The following GLI2 variants were observed in gnomAD, a reference collection of about 807,000 sequenced individuals.
GLI2 encodes transcription activator GLI2.
A neutral mutation model predicts 78.9 loss-of-function variants in GLI2; 22 were observed. That is an observed-to-expected ratio of 0.28 (90% CI 0.20 to 0.40). GLI2 has a LOEUF of 0.40. Among genes scored for constraint, GLI2 ranks in the 10% least tolerant of loss-of-function variants. The pLI is 1.00. For synonymous variants in GLI2, 974 were observed against 963.7 expected (o/e 1.01, Z -0.20); for missense variants, 2,097 against 2,213.2 (o/e 0.95, Z 1.05).
chr2:120,853,981 C>T (rs536754369), intron 2 of GLI2, among the ~76,000 whole-genome samples: 81 of 152,228 alleles, frequency 5.3e-4, no homozygotes, highest in African/African-American at 1.9e-3. Context: ...CTGTGGCTCC[C>T]CCGAGCCCAT....
intron 1 of GLI2, among the ~76,000 whole-genome samples, chr2:120,783,468 T>G (rs116724548): frequency 0.013 from 1,951 of 152,030 alleles, 42 homozygotes; most frequent in African/African-American, 0.045. Context: ...GCGTTCTCAT[T>G]TCCTCTCCGG....
chr2:120,786,069 G>A (rs1194373340), intron 1 of GLI2, among the ~76,000 whole-genome samples: 10 of 152,186 alleles, frequency 6.6e-5, no homozygotes, highest in Admixed American at 6.5e-4. Flanking sequence ...GGTGGCTCCT[G>A]GCAAGGCAGC....
At chr2:120,902,418 T>C (rs953409011) in intron 2 of GLI2, among the ~76,000 whole-genome samples, 20 of 152,002 alleles carry the variant, frequency 1.3e-4, no homozygotes, top group African/African-American at 4.6e-4. Context: ...TCATCGGGTG[T>C]AGTGGGAGGG....
intron 2 of GLI2, among the ~76,000 whole-genome samples, chr2:120,880,587 T>C (rs1205669812): frequency 2.0e-5 from 3 of 152,158 alleles, no homozygotes; most frequent in Non-Finnish European, 4.4e-5. Context: ...AACATAGCTC[T>C]GCTTTGCCCC....
chr2:120,908,055 A>C (rs1256875740), intron 2 of GLI2, among the ~76,000 whole-genome samples: 2 of 152,154 alleles, frequency 1.3e-5, no homozygotes, highest in Non-Finnish European at 1.5e-5. Flanking sequence ...ACAGCACAGG[A>C]TGGCCTCATG....
rs1041189893 is a variant in GLI2 at position 120,736,183 on chromosome 2, G to A, written c.-133G>A. 5 of 152,036 alleles carry A rather than the reference G, an allele frequency of 3.3e-5. No individual in the cohort carries two copies. The highest frequency in any genetic ancestry group is 7.4e-5 in the Non-Finnish European group (5 of 67,994). The allele number at this position is 152,036 out of a possible 1,614,324, so 9.4% of individuals were successfully genotyped here. ...CTGGAGCCCCGGCACAAGGCAGCCA[G>A]CCGAGGGTCGCCGCGCCAGCCAAGG... On this transcript the variant is annotated 5_prime_UTR_variant, in exon 1 of 14. Transcript: ENST00000361492.
intron 2 of GLI2, among the ~76,000 whole-genome samples, chr2:120,869,497 T>G (rs1688321338): frequency 6.6e-6 from 1 of 152,212 alleles, no homozygotes; most frequent in Non-Finnish European, 1.5e-5. Context: ...TTTTATGAAA[T>G]GGCCATAATC....
chr2:120,916,548 C>T (rs1023252487), intron 2 of GLI2, among the ~76,000 whole-genome samples: 4 of 152,274 alleles, frequency 2.6e-5, no homozygotes, highest in African/African-American at 7.2e-5. Context: ...CTGAATCCCG[C>T]AGGGTCAGGC....
chr2:120,751,397 C>T (rs1421964997), intron 1 of GLI2, among the ~76,000 whole-genome samples: 2 of 152,224 alleles, frequency 1.3e-5, no homozygotes, highest in East Asian at 1.9e-4. Context: ...TTTTGCATCT[C>T]GTACTTTTTA....
chr2:120,740,515 A>T (rs1170859189), intron 1 of GLI2, among the ~76,000 whole-genome samples: 1 of 152,072 alleles, frequency 6.6e-6, no homozygotes, highest in Non-Finnish European at 1.5e-5. Context: ...TAAGAAAAAA[A>T]GTTTTAGTGC....
In GLI2 at chr2:120,935,715, C is replaced by G. The variant is rs529935669; in HGVS notation, c.254+8249C>G. Reference sequence around the variant, plus strand: ...TTACTTACTGGGCATTTTGACCCCCCACCCCTTGCTAAAATCTTCCCCAGC... The same window carrying G: ...TTACTTACTGGGCATTTTGACCCCCGACCCCTTGCTAAAATCTTCCCCAGC... On this transcript the variant is annotated intron_variant, in intron 3 of 13. Transcript: ENST00000361492. Among the ~76,000 whole-genome samples the G allele has an allele frequency of 2.0e-5, 3 of 152,330 alleles. No individual in the cohort carries two copies. In the East Asian group the frequency reaches 5.8e-4, roughly 29 times the overall value.
At chr2:120,789,743 A>G (rs1446364278) in intron 1 of GLI2, among the ~76,000 whole-genome samples, 1 of 152,236 alleles carries the variant, frequency 6.6e-6, no homozygotes, top group Non-Finnish European at 1.5e-5. Flanking sequence ...CATACAAAGG[A>G]GTTGGCCATG....
At chr2:120,931,988 C>T (rs1573624054) in intron 3 of GLI2, among the ~76,000 whole-genome samples, 1 of 152,192 alleles carries the variant, frequency 6.6e-6, no homozygotes, top group East Asian at 1.9e-4. Flanking sequence ...GGGGACACAG[C>T]AAGAGCCTCG....
intron 2 of GLI2, among the ~76,000 whole-genome samples, chr2:120,896,566 ACAAC>A (rs895489854): frequency 2.0e-5 from 3 of 152,036 alleles, no homozygotes; most frequent in African/African-American, 7.2e-5. Flanking sequence ...AGCACCACCA[ACAAC>A]TGGCATTTTG....
At chr2:120,882,811 C>G (rs1477578851) in intron 2 of GLI2, among the ~76,000 whole-genome samples, 1 of 151,896 alleles carries the variant, frequency 6.6e-6, no homozygotes, top group Admixed American at 6.5e-5. Context: ...CTCATTTTGT[C>G]TATCTTAAAA....
rs866843627 is a variant in GLI2, at chr2:120,955,705, C to G, written c.643+275C>G. ...GGGGAGAAACAGATGCCAAGTAGCT[C>G]TAGGAATTACGTATGAAAGTAGCCA... On this transcript the variant is annotated intron_variant, in intron 5 of 13. Coordinates refer to ENST00000361492, the MANE Select transcript of GLI2 (RefSeq NM_001374353.1). Among the ~76,000 whole-genome samples the G allele has an allele frequency of 3.9e-5, 6 of 152,132 alleles. No individual in the cohort carries two copies. In the South Asian group the frequency reaches 1.0e-3, roughly 26 times the overall value.
chr2:120,968,658 C>G, intron 5 of GLI2, 56 bp from the exon 6 acceptor site: 1 of 1,211,206 alleles, frequency 8.3e-7, no homozygotes, highest in Non-Finnish European at 1.2e-6. Flanking sequence ...ACCCACATGT[C>G]ACCCCCTCCC....
rs117777154 is a variant in GLI2, at chr2:120,817,296, T to C, written c.148+19828T>C. Among the ~76,000 whole-genome samples, 200 of 152,280 alleles carry C rather than the reference T, an allele frequency of 1.3e-3. 7 individuals are homozygous for C. The East Asian group carries it at 0.027, about 20-fold the overall frequency. ...TCGGTATGAAGCCACCCCCACTGCC[T>C]CCGTGGGGTCTCTCCCCCAGCTCCC... On this transcript the variant is annotated intron_variant, in intron 2 of 13. Transcript: ENST00000361492.
At chr2:120,936,608 A>G (rs1363384971) in intron 3 of GLI2, among the ~76,000 whole-genome samples, 1 of 152,220 alleles carries the variant, frequency 6.6e-6, no homozygotes, top group African/African-American at 2.4e-5. Context: ...TCAGGGCTGC[A>G]GTGTGTTGTT....
Sources: gnomAD v4.1 joint callset for allele counts (sites outside exome capture counted in the v4.1 genomes callset) on GRCh38, gnomAD v4.1.1 for gene constraint, MANE v1.5 for transcripts, NCBI Gene and HGNC (gene_info 2026-07-23, HGNC 2026-07-21) for gene names.